The following CHID1 variants were observed in gnomAD, a reference collection of about 807,000 sequenced individuals.
The protein encoded by CHID1 is chitinase domain-containing protein 1.
Under a neutral mutation model 55.4 loss-of-function variants are expected in CHID1, and 44 were observed. That is an observed-to-expected ratio of 0.79 (90% CI 0.62 to 1.02). The LOEUF (loss-of-function observed/expected upper bound fraction) is 1.02, where lower values mean the gene tolerates loss of function less well. Among genes scored for constraint, CHID1 ranks in the 50% least tolerant of loss-of-function variants. The pLI, the probability that CHID1 is intolerant of heterozygous loss-of-function variation, is 0.00. For missense variants in CHID1, 491 were observed against 515.3 expected (o/e 0.95, Z 0.46); for synonymous variants, 216 against 212.9 (o/e 1.01, Z -0.13).
At position 884,089 on chromosome 11, in the gene CHID1, T is replaced by C; in HGVS notation, c.782A>G (p.Tyr261Cys). 6.2e-7 allele frequency: 1 copy of C among 1,614,010 alleles called. No homozygotes were observed. The highest frequency in any genetic ancestry group is 8.5e-7 in the Non-Finnish European group (1 of 1,179,890). Reference protein sequence around the residue: ...PVLDGFSLMTYDYSTAHQPGP... With the variant: ...PVLDGFSLMTCDYSTAHQPGP... The stretch of plus-strand genomic sequence containing the variant: ...TCACTGATGCGCTGTAGAGTAGTCG[T>C]AGGTCATGAGGCTGAAACCATCCAG... The change falls in exon 9 of 13, where the codon TAC becomes TGC. Residue 261 changes from tyrosine to cysteine, a missense_variant. Physicochemically the swap from Tyr to Cys is radical, Grantham distance 194. Coordinates refer to ENST00000323578, the MANE Select transcript of CHID1 (RefSeq NM_023947.4).
intron 8 of CHID1, among the ~76,000 whole-genome samples, chr11:885,934 C>T (rs1025774374): frequency 5.9e-5 from 9 of 152,052 alleles, no homozygotes; most frequent in Non-Finnish European, 1.2e-4. Flanking sequence ...GGGAGGATCA[C>T]GAGGTCAGGA....
chr11:870,433 G>T lies in CHID1; in HGVS notation c.1026C>A (p.Phe342Leu), dbSNP rs765526454. The T allele has an allele frequency of 1.9e-6, 3 of 1,611,340 alleles. No individual in the cohort carries two copies. ...MVWDSQASEH[F>L]FEYKKSRSGR... is the part of the protein sequence containing the mutation. ...AAAACACTCACTTCTTGTACTCGAAGAAGTGCTCTGAGGCCTGGCTGTCCC... is the reference window on the plus strand; with the variant it reads ...AAAACACTCACTTCTTGTACTCGAATAAGTGCTCTGAGGCCTGGCTGTCCC... The change falls in exon 11 of 13, where the codon TTC becomes TTA. Residue 342 changes from phenylalanine to leucine, a missense_variant. By Grantham distance (22) the Phe-to-Leu change is conservative (BLOSUM62 0). Transcript: ENST00000323578.
intron 10 of CHID1, among the ~76,000 whole-genome samples, chr11:873,059 C>T (rs953725545): frequency 2.0e-5 from 3 of 152,106 alleles, no homozygotes; most frequent in Non-Finnish European, 4.4e-5. Context: ...ATCGCTACTC[C>T]CAAGCAGGCC....
At chr11:904,126 C>T (rs895892440) in intron 2 of CHID1, among the ~76,000 whole-genome samples, 1 of 152,212 alleles carries the variant, frequency 6.6e-6, no homozygotes, top group African/African-American at 2.4e-5. Context: ...TCGCCCCAAG[C>T]GGCCCCGTGA....
chr11:891,465 G>A (rs1589860624), intron 8 of CHID1, among the ~76,000 whole-genome samples: 2 of 152,316 alleles, frequency 1.3e-5, no homozygotes, highest in South Asian at 4.2e-4. Context: ...CCCACTTCCT[G>A]CCTAGGGCCA....
chr11:910,779 A>C lies in CHID1; in HGVS notation c.-48T>G. On this transcript the variant is annotated 5_prime_UTR_variant, in exon 1 of 13. The change abolishes an upstream ATG in the 5' untranslated region. Coordinates refer to ENST00000323578, the MANE Select transcript of CHID1 (RefSeq NM_023947.4). ...GCCGGCCGCCGCGGGGCTCACCTGCATGTCAGGGAGGCCGGACGGCCACAA... is the reference window on the plus strand; with the variant it reads ...GCCGGCCGCCGCGGGGCTCACCTGCCTGTCAGGGAGGCCGGACGGCCACAA... 1 of 1,132,728 alleles carries C rather than the reference A, an allele frequency of 8.8e-7. No individual in the cohort carries two copies. Among genetic ancestry groups the C allele is most frequent in the Non-Finnish European group, 1.1e-6 (1 of 915,256 alleles). 70.2% of individuals were successfully genotyped at this position (1,132,728 alleles called of 1,614,324 possible).
intron 4 of CHID1, among the ~76,000 whole-genome samples, chr11:901,747 G>A (rs554652926): frequency 6.6e-6 from 1 of 152,126 alleles, no homozygotes; most frequent in East Asian, 1.9e-4. Flanking sequence ...GACCTGGGCG[G>A]AACACTCTGA....
intron 1 of CHID1, among the ~76,000 whole-genome samples, chr11:906,861 T>C (rs1468682247): frequency 6.6e-6 from 1 of 151,926 alleles, no homozygotes; most frequent in Non-Finnish European, 1.5e-5. Flanking sequence ...AAACCCTGTC[T>C]CTACTGAAAA....
intron 10 of CHID1, among the ~76,000 whole-genome samples, chr11:876,480 C>A (rs1209510456): frequency 1.3e-5 from 2 of 152,152 alleles, no homozygotes; most frequent in East Asian, 1.9e-4. Flanking sequence ...GACATTCAGG[C>A]GGAGGCAGGA....
intron 7 of CHID1, among the ~76,000 whole-genome samples, chr11:893,752 G>A (rs1400552004): frequency 1.3e-5 from 2 of 152,012 alleles, no homozygotes; most frequent in African/African-American, 2.4e-5. Context: ...AGTACCCCAG[G>A]AATCCCCAGA....
At chr11:883,942 A>G in intron 9 of CHID1, 126 bp downstream of exon 9, 1 of 743,284 alleles carries the variant, frequency 1.3e-6, no homozygotes, top group Admixed American at 2.2e-5. Context: ...CAGACTCAGC[A>G]GGTGACCTTG....
intron 5 of CHID1, among the ~76,000 whole-genome samples, 190 bp from the exon 6 acceptor site, chr11:900,300 G>A (rs929497647): frequency 2.0e-5 from 3 of 152,196 alleles, no homozygotes; most frequent in Non-Finnish European, 2.9e-5. Flanking sequence ...AGGCTGGAGA[G>A]GGAGGGGTGG....
At chr11:912,192 C>T (rs553390706), upstream of CHID1, among the ~76,000 whole-genome samples, 1 of 152,324 alleles carries the variant, frequency 6.6e-6, no homozygotes, top group South Asian at 2.1e-4. Context: ...GTGGCGCATG[C>T]CTGTAATCCC....
upstream of CHID1, chr11:914,632 C>CT: frequency 8.5e-7 from 1 of 1,180,742 alleles, no homozygotes; most frequent in Admixed American, 2.3e-5. Context: ...CTTCGGGAGG[C>CT]TGATCACTTG....
intron 1 of CHID1, among the ~76,000 whole-genome samples, chr11:909,397 G>C (rs1454708898): frequency 2.0e-5 from 3 of 152,190 alleles, no homozygotes. Flanking sequence ...TCACCCAAAG[G>C]GGTCCCAGAA....
In CHID1 at chr11:903,125, A is replaced by G. The variant is rs752786587; in HGVS notation, c.112-14T>C. On this transcript the variant is annotated splice_polypyrimidine_tract_variant and intron_variant, in intron 2 of 12. Transcript: ENST00000323578. ...TGAAAACTGACTCTGAAATAAAAGG[A>G]GTGAGAGAAAAGCCTCAGTCATCTG... 3 of 1,604,774 alleles carry G rather than the reference A, an allele frequency of 1.9e-6. No homozygotes were observed. The highest frequency in any genetic ancestry group is 4.5e-5 in the East Asian group (2 of 44,868).
intron 10 of CHID1, among the ~76,000 whole-genome samples, chr11:872,373 G>A (rs1268726286): frequency 2.0e-5 from 3 of 152,176 alleles, no homozygotes; most frequent in African/African-American, 7.2e-5. Context: ...AGTCATGCTG[G>A]TCTTGAACTC....
intron 10 of CHID1, among the ~76,000 whole-genome samples, chr11:878,687 A>G (rs1849680603): frequency 6.6e-6 from 1 of 152,136 alleles, no homozygotes; most frequent in Non-Finnish European, 1.5e-5. Flanking sequence ...ATATTTGAAG[A>G]AATAGTCTTT....
chr11:870,739 C>G lies in CHID1; in HGVS notation c.960-240G>C, dbSNP rs1849122380. ...GCTTCCTCGGAAGAAGCCACCCCAC[C>G]AAGTCCTTTCAGTGGCCTGGAGAGT... On this transcript the variant is annotated intron_variant, in intron 10 of 12. Coordinates refer to ENST00000323578, the MANE Select transcript of CHID1 (RefSeq NM_023947.4). 5 of 499,044 alleles carry G rather than the reference C, an allele frequency of 1.0e-5. No homozygotes were observed. In the East Asian group the frequency reaches 1.7e-4, roughly 17 times the overall value. 30.9% of individuals were successfully genotyped at this position (499,044 alleles called of 1,614,324 possible). A position where few individuals can be genotyped will look rare whatever the true frequency, so the allele number is the denominator to read the frequency against.
Sources: allele counts gnomAD v4.1 joint callset (sites outside exome capture counted in the v4.1 genomes callset), GRCh38; gene constraint gnomAD v4.1.1; transcripts MANE v1.5; gene names NCBI Gene and HGNC (gene_info 2026-07-23, HGNC 2026-07-21).